The following OLA1 variants were observed in gnomAD, a reference collection of about 807,000 sequenced individuals.
OLA1 encodes the protein obg-like ATPase 1.
A neutral mutation model predicts 48.4 loss-of-function variants in OLA1; 14 were observed. That is an observed-to-expected ratio of 0.29 (90% CI 0.19 to 0.45). The LOEUF is 0.45. OLA1 is among the 20% of genes least tolerant of loss of function. OLA1 has a pLI of 1.00. For missense variants in OLA1, 325 were observed against 467.1 expected (o/e 0.70, Z 2.80); for synonymous variants, 127 against 150.4 (o/e 0.84, Z 1.14).
At chr2:174,214,035 A>C (rs1393627091) in intron 4 of OLA1, among the ~76,000 whole-genome samples, 1 of 151,664 alleles carries the variant, frequency 6.6e-6, no homozygotes, top group African/African-American at 2.4e-5. Context: ...ATGCATCATT[A>C]AAAACAATAA....
At chr2:174,120,345 T>A (rs1343176641) in intron 7 of OLA1, among the ~76,000 whole-genome samples, 1 of 152,174 alleles carries the variant, frequency 6.6e-6, no homozygotes. Flanking sequence ...AAGTAACAGC[T>A]GATCGTGTTT....
intron 4 of OLA1, among the ~76,000 whole-genome samples, chr2:174,214,696 TA>T (rs960004372): frequency 6.6e-6 from 1 of 152,168 alleles, no homozygotes; most frequent in Non-Finnish European, 1.5e-5. Context: ...GTTTCAGAAA[TA>T]GGCAGCTCTG....
At chr2:174,223,653 A>T (rs1688553324) in intron 3 of OLA1, among the ~76,000 whole-genome samples, 1 of 151,144 alleles carries the variant, frequency 6.6e-6, no homozygotes, top group Non-Finnish European at 1.5e-5. Context: ...ATTATGCCTT[A>T]GAGGAGTTAC....
chr2:174,204,121 T>G (rs67242464), intron 4 of OLA1, among the ~76,000 whole-genome samples: 80,232 of 150,678 alleles, frequency 0.53, 21,845 homozygotes, highest in East Asian at 0.95. Context: ...GCAAATTTAG[T>G]CCAGGCGCAG....
Position 174,090,943 on chromosome 2 carries a change from C to T in OLA1, c.729-8879G>A, listed in dbSNP as rs114629493. 2.9e-3 allele frequency among the ~76,000 whole-genome samples: 448 copies of T among 152,328 alleles called. 1 individual carries two copies. Among genetic ancestry groups the T allele is most frequent in the African/African-American group, 0.01 (427 of 41,576 alleles). ...CCCTGAACTCCCATGTGGGCCAGAG[C>T]TATCACCACATTCCACTGTATACTA... On this transcript the variant is annotated intron_variant, in intron 7 of 10. Transcript: ENST00000284719.
At chr2:174,230,229 T>C (rs1688697340) in intron 2 of OLA1, among the ~76,000 whole-genome samples, 1 of 151,994 alleles carries the variant, frequency 6.6e-6, no homozygotes, top group African/African-American at 2.4e-5. Context: ...AAATAAAATA[T>C]GATAATACGG....
intron 7 of OLA1, among the ~76,000 whole-genome samples, chr2:174,117,023 C>G (rs1386074183): frequency 6.6e-6 from 1 of 152,044 alleles, no homozygotes; most frequent in Non-Finnish European, 1.5e-5. Context: ...CAATAAAATC[C>G]TCTAAGCTGC....
At chr2:174,091,973 CTTA>C (rs1045895109) in intron 7 of OLA1, among the ~76,000 whole-genome samples, 6 of 139,268 alleles carry the variant, frequency 4.3e-5, no homozygotes, top group African/African-American at 1.1e-4. Context: ...ATTCATGGCA[CTTA>C]TTATATTATG....
At chr2:174,231,466 G>C (rs971850368) in intron 2 of OLA1, among the ~76,000 whole-genome samples, 2 of 152,018 alleles carry the variant, frequency 1.3e-5, no homozygotes, top group African/African-American at 4.8e-5. Context: ...TTCTAAAAAG[G>C]CCATAGGTTG....
chr2:174,191,210 T>G (rs1396865757), intron 4 of OLA1, among the ~76,000 whole-genome samples: 5 of 152,132 alleles, frequency 3.3e-5, no homozygotes, highest in Non-Finnish European at 5.9e-5. Flanking sequence ...AACATCATGT[T>G]GTACAACATA....
At chr2:174,092,868 T>G (rs1685160568) in intron 7 of OLA1, among the ~76,000 whole-genome samples, 1 of 152,146 alleles carries the variant, frequency 6.6e-6, no homozygotes. Context: ...AAAATCATAG[T>G]ACAGTGGGGT....
At chr2:174,095,339 T>TG (rs1277718837) in intron 7 of OLA1, among the ~76,000 whole-genome samples, 4 of 125,348 alleles carry the variant, frequency 3.2e-5, no homozygotes, top group Non-Finnish European at 7.2e-5. Flanking sequence ...TTTTTTTTTT[T>TG]TTTTTTTTTT....
chr2:174,159,076 C>T (rs927686194), intron 4 of OLA1, among the ~76,000 whole-genome samples: 5 of 152,172 alleles, frequency 3.3e-5, no homozygotes, highest in Non-Finnish European at 7.4e-5. Flanking sequence ...CATCCAATTA[C>T]TCCTTGACTA....
intron 5 of OLA1, among the ~76,000 whole-genome samples, chr2:174,132,103 T>C (rs1045450826): frequency 1.3e-5 from 2 of 152,068 alleles, no homozygotes; most frequent in African/African-American, 2.4e-5. Context: ...AGCAGTCTTT[T>C]AAATTTGCCC....
chr2:174,123,789 G>A (rs1233765387), intron 5 of OLA1, 114 bp from the exon 6 acceptor site: 4 of 432,228 alleles, frequency 9.3e-6, no homozygotes, highest in Non-Finnish European at 1.6e-5. Context: ...AATGAAAGGG[G>A]GCTAGGTCAC....
At chr2:174,239,925 A>T (rs1370315519) in intron 2 of OLA1, among the ~76,000 whole-genome samples, 1 of 151,854 alleles carries the variant, frequency 6.6e-6, no homozygotes, top group Non-Finnish European at 1.5e-5. Context: ...TAAATGCAAC[A>T]TACAATTATG....
intron 8 of OLA1, 93 bp from the exon 9 acceptor site, chr2:174,081,341 G>A: frequency 1.2e-6 from 1 of 840,040 alleles, no homozygotes; most frequent in South Asian, 1.5e-5. Flanking sequence ...AGCAGAAAAT[G>A]TTAAAGATAG....
chr2:174,170,660 G>A (rs780450128), intron 4 of OLA1, among the ~76,000 whole-genome samples: 1 of 152,202 alleles, frequency 6.6e-6, no homozygotes, highest in South Asian at 2.1e-4. Context: ...ACTTTTGGGA[G>A]GCTGAGACAG....
intron 7 of OLA1, among the ~76,000 whole-genome samples, chr2:174,098,693 G>T (rs1685315309): frequency 2.6e-5 from 4 of 152,090 alleles, no homozygotes; most frequent in African/African-American, 9.7e-5. Flanking sequence ...ATAAATGGAG[G>T]TAATAATAGT....
Sources: gnomAD v4.1 joint callset for allele counts (sites outside exome capture counted in the v4.1 genomes callset) on GRCh38, gnomAD v4.1.1 for gene constraint, MANE v1.5 for transcripts, NCBI Gene and HGNC (gene_info 2026-07-23, HGNC 2026-07-21) for gene names.